Variants in ADAMTSL1 observed in about 807,000 individuals in gnomAD.
The protein encoded by ADAMTSL1 is ADAMTS-like protein 1.
ADAMTSL1 carries 126 observed loss-of-function variants against 201.8 expected under a neutral mutation model. That is an observed-to-expected ratio of 0.62 (90% CI 0.54 to 0.72). The LOEUF is 0.72. Among genes scored for constraint, ADAMTSL1 ranks in the 30% least tolerant of loss-of-function variants. The pLI is 0.00. For missense variants in ADAMTSL1, 2,679 were observed against 2,277.8 expected (o/e 1.18, Z -3.59); for synonymous variants, 1,121 against 903.4 (o/e 1.24, Z -4.32).
chr9:18,262,180 T>G (rs1831949415), intron 2 of ADAMTSL1, among the ~76,000 whole-genome samples: 1 of 152,312 alleles, frequency 6.6e-6, no homozygotes, highest in African/African-American at 2.4e-5. Flanking sequence ...ATTTAAATAT[T>G]TTCAGAGCCT....
chr9:18,830,535 A>C (rs117261958), intron 23 of ADAMTSL1, among the ~76,000 whole-genome samples: 2 of 152,168 alleles, frequency 1.3e-5, no homozygotes, highest in Non-Finnish European at 2.9e-5. Context: ...CCTCCCTGTC[A>C]TCTAGTGTTG....
At chr9:18,484,771 A>G (rs1172901706) in intron 1 of ADAMTSL1, among the ~76,000 whole-genome samples, 1 of 152,198 alleles carries the variant, frequency 6.6e-6, no homozygotes, top group African/African-American at 2.4e-5. Flanking sequence ...AAGAAACTCG[A>G]TCAGTGGGTT....
chr9:18,846,592 CAA>C (rs1326198043), intron 23 of ADAMTSL1, among the ~76,000 whole-genome samples: 2 of 152,294 alleles, frequency 1.3e-5, no homozygotes, highest in African/African-American at 4.8e-5. Context: ...AGCTTAAAAA[CAA>C]GAGAGAGAGG....
intron 14 of ADAMTSL1, among the ~76,000 whole-genome samples, chr9:18,712,401 T>C (rs1483849779): frequency 6.6e-6 from 1 of 151,466 alleles, no homozygotes; most frequent in Non-Finnish European, 1.5e-5. Context: ...GAGAAGTGCT[T>C]AAAGGAGCTG....
At chr9:18,674,813 T>C (rs551568905) in intron 9 of ADAMTSL1, among the ~76,000 whole-genome samples, 1 of 152,294 alleles carries the variant, frequency 6.6e-6, no homozygotes, top group Non-Finnish European at 1.5e-5. Context: ...CTTCCACTTA[T>C]GCACTACCAT....
At chr9:18,001,096 A>C (rs560780200) in intron 1 of ADAMTSL1, among the ~76,000 whole-genome samples, 1 of 152,162 alleles carries the variant, frequency 6.6e-6, no homozygotes, top group Admixed American at 6.5e-5. Flanking sequence ...AAGCAAAACC[A>C]GTAACTTGTC....
intron 1 of ADAMTSL1, among the ~76,000 whole-genome samples, chr9:18,045,717 A>T (rs1821629457): frequency 6.6e-6 from 1 of 151,636 alleles, no homozygotes; most frequent in African/African-American, 2.4e-5. Context: ...GGATCAGGCT[A>T]TCTGGCTTGA....
intron 4 of ADAMTSL1, among the ~76,000 whole-genome samples, chr9:18,614,727 A>G (rs1048091490): frequency 6.6e-6 from 1 of 152,120 alleles, no homozygotes; most frequent in Non-Finnish European, 1.5e-5. Flanking sequence ...ATGTATTCGT[A>G]ATAGCACCAT....
rs534610514 is a variant in ADAMTSL1 at position 18,777,213 on chromosome 9, A to T, written c.2984A>T (p.His995Leu). Residue 995 changes from histidine (H) to leucine (L), a missense_variant, in exon 19 of 29, where the codon CAC becomes CTC. Coordinates refer to ENST00000380548, the MANE Select transcript of ADAMTSL1 (RefSeq NM_001040272.6). ...GGCCCGAAGGAGGCCCTGCAGACCCACAAACACCAGAACGGGATCTTCTCC... is the reference window on the plus strand; with the variant it reads ...GGCCCGAAGGAGGCCCTGCAGACCCTCAAACACCAGAACGGGATCTTCTCC... Reference protein sequence around the residue: ...KGGPKEALQTHKHQNGIFSNG... With the variant: ...KGGPKEALQTLKHQNGIFSNG... 6.2e-7 allele frequency: 1 copy of T among 1,612,842 alleles called. No homozygotes were observed.
At chr9:18,867,503 A>T (rs1285917107) in intron 23 of ADAMTSL1, among the ~76,000 whole-genome samples, 1 of 152,210 alleles carries the variant, frequency 6.6e-6, no homozygotes, top group Non-Finnish European at 1.5e-5. Context: ...ACCTGATGGT[A>T]TATAAGAGAA....
At chr9:18,902,994 C>G (rs1180855445) in intron 26 of ADAMTSL1, among the ~76,000 whole-genome samples, 4 of 152,150 alleles carry the variant, frequency 2.6e-5, no homozygotes, top group Admixed American at 2.0e-4. Flanking sequence ...CACTTGAGGT[C>G]AGGAGTTCAA....
chr9:18,738,181 A>G (rs1258729869), intron 15 of ADAMTSL1, among the ~76,000 whole-genome samples: 6 of 152,224 alleles, frequency 3.9e-5, no homozygotes, highest in African/African-American at 1.4e-4. Context: ...TAGACATCAT[A>G]TATTTTTCAC....
At chr9:18,655,642 A>G (rs1004009058) in intron 7 of ADAMTSL1, among the ~76,000 whole-genome samples, 1 of 151,972 alleles carries the variant, frequency 6.6e-6, no homozygotes. Context: ...AAAAAAGTAA[A>G]AAACAAAAAC....
intron 4 of ADAMTSL1, among the ~76,000 whole-genome samples, chr9:18,607,857 C>T (rs566879801): frequency 6.6e-6 from 1 of 151,984 alleles, no homozygotes; most frequent in East Asian, 1.9e-4. Context: ...GATAGTTTGC[C>T]GAGAATGTTG....
intron 2 of ADAMTSL1, among the ~76,000 whole-genome samples, chr9:18,172,357 G>C (rs1398403708): frequency 6.6e-6 from 1 of 151,942 alleles, no homozygotes; most frequent in Non-Finnish European, 1.5e-5. Flanking sequence ...AGGACACATG[G>C]ATGGCTAATA....
At chr9:18,495,738 C>T (rs1156822847) in intron 1 of ADAMTSL1, among the ~76,000 whole-genome samples, 1 of 152,128 alleles carries the variant, frequency 6.6e-6, no homozygotes, top group African/African-American at 2.4e-5. Flanking sequence ...TTTTGATGGA[C>T]TTCATCTCCT....
intron 4 of ADAMTSL1, among the ~76,000 whole-genome samples, chr9:18,605,547 C>A (rs1824956104): frequency 6.6e-6 from 1 of 152,142 alleles, no homozygotes; most frequent in Non-Finnish European, 1.5e-5. Context: ...TGCACTCCAC[C>A]TTGGGAAAGA....
At chr9:18,817,341 C>G in intron 21 of ADAMTSL1, 104 bp downstream of exon 21, 1 of 1,198,970 alleles carries the variant, frequency 8.3e-7, no homozygotes, top group African/African-American at 1.5e-5. Flanking sequence ...GGATATAGTG[C>G]TAGTAGGAAA....
intron 1 of ADAMTSL1, among the ~76,000 whole-genome samples, chr9:18,000,201 A>G (rs977238255): frequency 6.6e-6 from 1 of 151,174 alleles, no homozygotes; most frequent in South Asian, 2.1e-4. Context: ...CAATGGTTGA[A>G]CTAGTTTACA....
Sources: allele counts gnomAD v4.1 joint callset (sites outside exome capture counted in the v4.1 genomes callset), GRCh38; gene constraint gnomAD v4.1.1; transcripts MANE v1.5; gene names NCBI Gene and HGNC (gene_info 2026-07-23, HGNC 2026-07-21).